RNF114: variants seen among roughly 807,000 people sequenced by gnomAD.
RNF114 encodes E3 ubiquitin-protein ligase RNF114.
RNF114 carries 6 observed loss-of-function variants against 28.4 expected under a neutral mutation model. The ratio of observed to expected loss-of-function variants is 0.21; its 90% CI spans 0.12 to 0.42. The LOEUF is 0.42. Among genes scored for constraint, RNF114 ranks in the 10% least tolerant of loss-of-function variants. The pLI is 1.00. For synonymous variants in RNF114, 115 were observed against 116.7 expected, an observed-to-expected ratio of 0.99 and a Z score of 0.09; for missense variants, 249 against 311.7, an observed-to-expected ratio of 0.80 and a Z score of 1.51.
chr20:49,939,762 A>C (rs981514271), intron 1 of RNF114, among the ~76,000 whole-genome samples: 6 of 151,890 alleles, frequency 4.0e-5, no homozygotes. Context: ...TAAAAAAAAA[A>C]AAAACTATAG....
chr20:49,949,121 G>A, intron 4 of RNF114, 127 bp from the exon 5 acceptor site: 1 of 696,488 alleles, frequency 1.4e-6, no homozygotes. Context: ...TGCACAGGAA[G>A]GAGTTACTGG....
At chr20:49,945,316 TGGG>T in intron 2 of RNF114, 63 bp from the exon 3 acceptor site, 2 of 947,584 alleles carry the variant, frequency 2.1e-6, no homozygotes, top group Non-Finnish European at 3.4e-6. Context: ...TGCCCTTGTT[TGGG>T]ACTATATTTT....
intron 1 of RNF114, 151 bp from the exon 2 acceptor site, chr20:49,941,410 C>G: frequency 3.8e-6 from 3 of 787,128 alleles, no homozygotes; most frequent in Non-Finnish European, 5.9e-6. Flanking sequence ...CTCATTTTTT[C>G]TGGCTTGGAA....
At chr20:49,951,988 C>CAGTTGCTAGGCTGTCCTGCTTCGGATCA in intron 5 of RNF114, 88 bp from the exon 6 acceptor site, 1 of 1,109,142 alleles carries the variant, frequency 9.0e-7, no homozygotes, top group Non-Finnish European at 1.4e-6. Context: ...GCTCCGGATC[C>CAGTTGCTAGGCTGTCCTGCTTCGGATCA]AGTTGCTAGG....
chr20:49,947,488 C>G (rs1032356262), intron 4 of RNF114, among the ~76,000 whole-genome samples: 1 of 152,086 alleles, frequency 6.6e-6, no homozygotes, highest in African/African-American at 2.4e-5. Flanking sequence ...GCTATCAATG[C>G]TCATCTTAAG....
intron 2 of RNF114, chr20:49,942,087 C>T (rs2090310220): frequency 5.7e-6 from 1 of 174,240 alleles, no homozygotes; most frequent in Non-Finnish European, 1.2e-5. Context: ...ATAGTGAGAC[C>T]TCATCTTTAC....
At chr20:49,942,344 A>C (rs930746248) in intron 2 of RNF114, among the ~76,000 whole-genome samples, 2 of 152,214 alleles carry the variant, frequency 1.3e-5, no homozygotes, top group Non-Finnish European at 2.9e-5. Context: ...AATCAGAGTC[A>C]AGTATATTTA....
At chr20:49,950,190 G>T (rs1223794234) in intron 5 of RNF114, among the ~76,000 whole-genome samples, 1 of 151,780 alleles carries the variant, frequency 6.6e-6, no homozygotes, top group Admixed American at 6.6e-5. Flanking sequence ...AGGCAAGGTT[G>T]CAGTGAGCCA....
intron 1 of RNF114, among the ~76,000 whole-genome samples, chr20:49,939,137 A>G (rs1486438216): frequency 6.6e-6 from 1 of 152,208 alleles, no homozygotes; most frequent in Non-Finnish European, 1.5e-5. Flanking sequence ...CCAACTCCTC[A>G]GAAGCAGCTT....
chr20:49,948,069 C>T (rs1310128616), intron 4 of RNF114, among the ~76,000 whole-genome samples: 1 of 151,922 alleles, frequency 6.6e-6, no homozygotes, highest in Non-Finnish European at 1.5e-5. Context: ...GGATTACAGG[C>T]GTGAGCCACC....
chr20:49,950,789 G>A lies in RNF114; in HGVS notation c.622-1287G>A, dbSNP rs138170503. 4.3e-4 allele frequency among the ~76,000 whole-genome samples: 66 copies of A among 152,198 alleles called. No homozygotes were observed. In the East Asian group the frequency reaches 9.7e-3, roughly 22 times the overall value. On this transcript the variant is annotated intron_variant, in intron 5 of 5. Transcript: ENST00000244061. ...CCATAATTGAAATGATCCTCCTGAGGATTTCCAAGCCAGGTGGTGCCTGAC... is the reference window on the plus strand; with the variant it reads ...CCATAATTGAAATGATCCTCCTGAGAATTTCCAAGCCAGGTGGTGCCTGAC...
chr20:49,939,878 A>T (rs6020141), intron 1 of RNF114, among the ~76,000 whole-genome samples: 8 of 152,054 alleles, frequency 5.3e-5, no homozygotes, highest in African/African-American at 1.9e-4. Context: ...AACGTGGTGA[A>T]ACCCCGTCTC....
chr20:49,940,351 A>T (rs1289075007), intron 1 of RNF114, among the ~76,000 whole-genome samples: 1 of 151,768 alleles, frequency 6.6e-6, no homozygotes, highest in Non-Finnish European at 1.5e-5. Flanking sequence ...GGCACATCTC[A>T]CACATGCACA....
chr20:49,947,794 T>TTTTTG (rs1429289870), intron 4 of RNF114, among the ~76,000 whole-genome samples: 25 of 106,294 alleles, frequency 2.4e-4, no homozygotes, highest in African/African-American at 8.8e-4. Context: ...TTTTTTTTTT[T>TTTTTG]TTTTTTTTTT....
chr20:49,936,797 G>A (rs1052788117), intron 1 of RNF114, among the ~76,000 whole-genome samples: 7 of 152,022 alleles, frequency 4.6e-5, no homozygotes, highest in African/African-American at 1.7e-4. Context: ...TTGAGCGCCT[G>A]CGATGTTCCA....
In RNF114 at chr20:49,949,340, T is replaced by C. The variant is rs1299370796; in HGVS notation, c.606T>C (p.Ser202=). ...ACATCCAGCGCCGGCACCGGTTTTC[T>C]TATGACACTTTTGTGGTAAGTCTGG... is the stretch of plus-strand genomic sequence containing the variant. ...REHIQRRHRF[S]YDTFVDYDVD... is the part of the protein sequence containing the mutation. Residue 202 remains serine (S), a synonymous_variant, in exon 5 of 6, where the codon TCT becomes TCC. Transcript: ENST00000244061. 3 of 1,613,706 alleles carry C rather than the reference T, an allele frequency of 1.9e-6. No homozygotes were observed. Among genetic ancestry groups the C allele is most frequent in the African/African-American group, 2.7e-5 (2 of 74,936 alleles).
At position 49,936,439 on chromosome 20, in the gene RNF114, G is replaced by C. The variant is rs765946103; in HGVS notation, c.27G>C (p.Gly9=). The part of the protein sequence containing the change: MAAQQRDC[G]GAAQLAGPAA... Reference sequence around the variant, plus strand: ...TGGCGGCGCAACAGCGGGACTGCGGGGGTGCTGCGCAGCTGGCGGGGCCGG... The same window carrying C: ...TGGCGGCGCAACAGCGGGACTGCGGCGGTGCTGCGCAGCTGGCGGGGCCGG... The change falls in exon 1 of 6, where the codon GGG becomes GGC. Residue 9 remains glycine, a synonymous_variant. Coordinates refer to ENST00000244061, the MANE Select transcript of RNF114 (RefSeq NM_018683.4). The C allele has an allele frequency of 3.2e-6, 5 of 1,540,586 alleles. No homozygotes were observed. In the African/African-American group the frequency reaches 4.2e-5, roughly 13 times the overall value.
Position 49,941,672 on chromosome 20 carries a change from C to G in RNF114, c.252C>G (p.Ile84Met), listed in dbSNP as rs368302536. ...GVRAVELERQ[I>M]ESTETSCHGC... is the part of the protein sequence containing the mutation. ...GAGCCGTGGAGCTCGAGCGGCAGAT[C>G]GAGAGCACAGAGACTTCTTGCCATG... The change falls in exon 2 of 6, where the codon ATC becomes ATG. Residue 84 changes from isoleucine (I) to methionine (M), a missense_variant. Physicochemically the swap from Ile to Met is conservative, Grantham distance 10. Coordinates refer to ENST00000244061, the MANE Select transcript of RNF114 (RefSeq NM_018683.4). 3.7e-6 allele frequency: 6 copies of G among 1,612,640 alleles called. No homozygotes were observed. Among genetic ancestry groups the G allele is most frequent in the African/African-American group, 1.3e-5 (1 of 74,884 alleles).
Position 49,949,238 on chromosome 20 carries a change from G to T in RNF114, c.514-10G>T, listed in dbSNP as rs371164525. 8 of 1,612,946 alleles carry T rather than the reference G, an allele frequency of 5.0e-6. No individual in the cohort carries two copies. The African/African-American group carries it at 9.3e-5, about 19-fold the overall frequency. ...ATTGGGTGCCTAAGACCTTGCTTTTGTGTTGAAAGGTTTGTCCGATATGTG... is the reference window on the plus strand; with the variant it reads ...ATTGGGTGCCTAAGACCTTGCTTTTTTGTTGAAAGGTTTGTCCGATATGTG... On this transcript the variant is annotated splice_polypyrimidine_tract_variant and intron_variant, in intron 4 of 5. Coordinates refer to ENST00000244061, the MANE Select transcript of RNF114 (RefSeq NM_018683.4).
Sources: gnomAD v4.1 joint callset for allele counts (sites outside exome capture counted in the v4.1 genomes callset) on GRCh38, gnomAD v4.1.1 for gene constraint, MANE v1.5 for transcripts, NCBI Gene and HGNC (gene_info 2026-07-23, HGNC 2026-07-21) for gene names.